The following GPT2 variants were observed in gnomAD, a reference collection of about 807,000 sequenced individuals.
GPT2 encodes glutamic--pyruvic transaminase 2.
Under a neutral mutation model 56.9 loss-of-function variants are expected in GPT2, and 30 were observed. The observed-to-expected ratio is 0.53, with a 90% CI of 0.39 to 0.72. The LOEUF (loss-of-function observed/expected upper bound fraction) is 0.72. Among genes scored for constraint, GPT2 ranks in the 30% least tolerant of loss-of-function variants. The pLI is 0.00. For synonymous variants in GPT2, 271 were observed against 283.1 expected (o/e 0.96, Z 0.43); for missense variants, 542 against 703.4 (o/e 0.77, Z 2.60).
intron 8 of GPT2, among the ~76,000 whole-genome samples, chr16:46,919,396 T>C (rs1330480597): frequency 1.3e-5 from 2 of 152,092 alleles, no homozygotes; most frequent in Admixed American, 1.3e-4. Context: ...GCTGAAGTGG[T>C]GCAGCCTCAC....
chr16:46,910,043 A>C, intron 6 of GPT2, 116 bp downstream of exon 6: 1 of 1,362,852 alleles, frequency 7.3e-7, no homozygotes, highest in Non-Finnish European at 9.9e-7. Flanking sequence ...TTTCCCTTCC[A>C]GATTTGCTAA....
intron 11 of GPT2, 128 bp downstream of exon 11, chr16:46,927,165 C>G (rs903126002): frequency 9.6e-6 from 5 of 521,192 alleles, no homozygotes; most frequent in African/African-American, 5.8e-5. Flanking sequence ...TCGAGTCACC[C>G]CTACTCTGTC....
chr16:46,898,990 AT>A (rs1244244645), intron 3 of GPT2, among the ~76,000 whole-genome samples: 1 of 85,940 alleles, frequency 1.2e-5, no homozygotes, highest in Non-Finnish European at 2.5e-5. Flanking sequence ...ATATATATAT[AT>A]AACACACATA....
Position 46,884,690 on chromosome 16 carries a change from C to T in GPT2, c.-22-4C>T, listed in dbSNP as rs947424928. The T allele has an allele frequency of 2.9e-6, 4 of 1,370,100 alleles. No individual in the cohort carries two copies. The highest frequency in any genetic ancestry group is 1.5e-5 in the African/African-American group (1 of 66,396). The allele number at this position is 1,370,100 out of a possible 1,614,324, so 84.9% of individuals were successfully genotyped here. ...TGTTTGTTCTTTTTCTCTTTTTGTG[C>T]CAGGGTTTCTCTCCGCAAGCGCGCG... On this transcript the variant is annotated splice_region_variant and splice_polypyrimidine_tract_variant and intron_variant, in intron 1 of 11. Transcript: ENST00000340124.
chr16:46,899,099 C>T (rs1455135314), intron 3 of GPT2, among the ~76,000 whole-genome samples: 1 of 148,682 alleles, frequency 6.7e-6, no homozygotes, highest in Non-Finnish European at 1.5e-5. Context: ...TTGTCATGAT[C>T]ACTGCTCTCT....
rs923408725 is a variant in GPT2 at position 46,929,103 on chromosome 16, G to A, written c.*106G>A. 1.2e-4 allele frequency: 100 copies of A among 809,964 alleles called. No homozygotes were observed. The highest frequency in any genetic ancestry group is 5.0e-4 in the South Asian group (35 of 69,958). 50.2% of individuals were successfully genotyped at this position (809,964 alleles called of 1,614,324 possible). On this transcript the variant is annotated 3_prime_UTR_variant, in exon 12 of 12. Transcript: ENST00000340124. Reference sequence around the variant, plus strand: ...CTCTGCCTCGGGCCTCGCAGAGGCCGCTGGTCACTTCGTCATCATTTTGCC... The same window carrying A: ...CTCTGCCTCGGGCCTCGCAGAGGCCACTGGTCACTTCGTCATCATTTTGCC...
At chr16:46,923,918 T>C (rs1405846647) in intron 9 of GPT2, 2 of 278,796 alleles carry the variant, frequency 7.2e-6, no homozygotes, top group Non-Finnish European at 1.4e-5. Flanking sequence ...AACTGGTTTT[T>C]CTCATTTTCT....
At chr16:46,884,541 C>T (rs1368043510) in intron 1 of GPT2, 74 bp downstream of exon 1, 3 of 732,302 alleles carry the variant, frequency 4.1e-6, no homozygotes, top group Admixed American at 4.4e-5. Flanking sequence ...TCAGCGGCGC[C>T]GTGGAGGGTC....
At chr16:46,912,442 G>A (rs1231438638) in intron 6 of GPT2, among the ~76,000 whole-genome samples, 2 of 152,182 alleles carry the variant, frequency 1.3e-5, no homozygotes, top group African/African-American at 4.8e-5. Context: ...CCCAAGTTGG[G>A]TCACCTGCCC....
At position 46,884,747 on chromosome 16, in the gene GPT2, G is replaced by T. The variant is rs759241834; in HGVS notation, c.32G>T (p.Gly11Val). The T allele has an allele frequency of 2.5e-5, 36 of 1,419,352 alleles. No homozygotes were observed. The highest frequency in any genetic ancestry group is 3.2e-5 in the Non-Finnish European group (35 of 1,085,534). The allele number at this position is 1,419,352 out of a possible 1,614,324, so 87.9% of individuals were successfully genotyped here. MQRAAALVRR[G>V]CGPRTPSSWG... is the part of the protein sequence containing the mutation. ...CGGGCGGCGGCGCTGGTCCGGCGGG[G>T]CTGTGGTCCCCGGACCCCCAGCTCC... Residue 11 changes from glycine to valine, a missense_variant, in exon 2 of 12, where the codon GGC (glycine) becomes GTC (valine). Transcript: ENST00000340124.
chr16:46,896,307 C>G (rs1055099214), intron 2 of GPT2, among the ~76,000 whole-genome samples: 1 of 152,204 alleles, frequency 6.6e-6, no homozygotes, highest in African/African-American at 2.4e-5. Context: ...TTCGCCTTTG[C>G]AGCAGCCATG....
At chr16:46,926,674 G>A (rs1368653277) in intron 10 of GPT2, among the ~76,000 whole-genome samples, 1 of 152,226 alleles carries the variant, frequency 6.6e-6, no homozygotes, top group Non-Finnish European at 1.5e-5. Flanking sequence ...GCCTGGGGAT[G>A]GGCACTGCCC....
In GPT2 at chr16:46,906,825, T is replaced by A. The variant is rs1284106888; in HGVS notation, c.443-17T>A. On this transcript the variant is annotated splice_polypyrimidine_tract_variant and intron_variant, in intron 4 of 11. Coordinates refer to ENST00000340124, the MANE Select transcript of GPT2 (RefSeq NM_133443.4). ...AGACATCCTGCCTCTGTTACTGTCT[T>A]GCCTGCTGTCTTACAGGGTCCTACA... The A allele has an allele frequency of 6.2e-7, 1 of 1,613,510 alleles. No individual in the cohort carries two copies. The highest frequency in any genetic ancestry group is 1.3e-5 in the African/African-American group (1 of 75,034).
chr16:46,923,009 C>A (rs576078240), intron 9 of GPT2, among the ~76,000 whole-genome samples: 2 of 152,234 alleles, frequency 1.3e-5, no homozygotes, highest in South Asian at 4.1e-4. Context: ...CAATGTTGTG[C>A]GGCCATCACT....
chr16:46,907,671 G>T (rs1470636130), intron 5 of GPT2, among the ~76,000 whole-genome samples: 1 of 152,256 alleles, frequency 6.6e-6, no homozygotes, highest in Admixed American at 6.5e-5. Flanking sequence ...TGGCAAGGCA[G>T]CTGGCACCAG....
rs1420023093 is a variant in GPT2 at position 46,930,473 on chromosome 16, G to A, written c.*1476G>A. 1 of 152,238 alleles carries A rather than the reference G, an allele frequency of 6.6e-6. No individual in the cohort carries two copies. Among genetic ancestry groups the A allele is most frequent in the Non-Finnish European group, 1.5e-5 (1 of 68,044 alleles). The allele number at this position is 152,238 out of a possible 1,614,324, so 9.4% of individuals were successfully genotyped here. On this transcript the variant is annotated 3_prime_UTR_variant, in exon 12 of 12. Transcript: ENST00000340124. ...GATTTCCACACCGGGTCCGTGCAGA[G>A]GAAACAGAAACTCCCAACTGTCCTT...
rs776222135 is a variant in GPT2, at chr16:46,921,363, G to A, written c.1038-879G>A. ...TAATTTTTGTGTTTTTAGTAGAGAC[G>A]GGTTTCACCATGTTGGCCAGGCTAG... On this transcript the variant is annotated intron_variant, in intron 8 of 11. Transcript: ENST00000340124. Among the ~76,000 whole-genome samples, 3 of 152,036 alleles carry A rather than the reference G, an allele frequency of 2.0e-5. No individual in the cohort carries two copies. In the East Asian group the frequency reaches 5.8e-4, roughly 29 times the overall value.
intron 6 of GPT2, among the ~76,000 whole-genome samples, chr16:46,912,924 C>T (rs558228557): frequency 6.6e-6 from 1 of 152,332 alleles, no homozygotes; most frequent in South Asian, 2.1e-4. Flanking sequence ...TGCTCAGTCA[C>T]CAGCTACAGA....
Position 46,906,880 on chromosome 16 carries a change from G to A in GPT2, c.481G>A (p.Glu161Lys). The A allele has an allele frequency of 2.5e-6, 4 of 1,614,254 alleles. No homozygotes were observed. Among genetic ancestry groups the A allele is most frequent in the South Asian group, 1.1e-5 (1 of 91,090 alleles). ...SASQGVNCIR[E>K]DVAAYITRRD... ...TAGCCAGGGTGTCAACTGCATCCGTGAAGATGTGGCTGCCTACATCACCAG... is the reference window on the plus strand; with the variant it reads ...TAGCCAGGGTGTCAACTGCATCCGTAAAGATGTGGCTGCCTACATCACCAG... The change falls in exon 5 of 12, where the codon GAA becomes AAA. Residue 161 changes from glutamate to lysine, a missense_variant. Coordinates refer to ENST00000340124, the MANE Select transcript of GPT2 (RefSeq NM_133443.4).
Sources: gnomAD v4.1 joint callset for allele counts (sites outside exome capture counted in the v4.1 genomes callset) on GRCh38, gnomAD v4.1.1 for gene constraint, MANE v1.5 for transcripts, NCBI Gene and HGNC (gene_info 2026-07-23, HGNC 2026-07-21) for gene names.